Variants in BEND2 observed in about 807,000 individuals in gnomAD.
BEND2 encodes BEN domain containing 2.
BEND2 carries 19 observed loss-of-function variants against 43.8 expected under a neutral mutation model. The observed-to-expected ratio is 0.43, with a 90% CI of 0.30 to 0.64. BEND2 has a LOEUF of 0.64. Among genes scored for constraint, BEND2 ranks in the 30% least tolerant of loss-of-function variants. The pLI, the probability that BEND2 is intolerant of heterozygous loss-of-function variation, is 0.11. For missense variants in BEND2, 544 were observed against 574.0 expected, an observed-to-expected ratio of 0.95 and a Z score of 0.53; for synonymous variants, 226 against 210.1, an observed-to-expected ratio of 1.08 and a Z score of -0.66.
In BEND2 at chrX:18,163,211, T is replaced by C. The variant is rs919276376; in HGVS notation, c.*1798A>G. 10 of 111,827 alleles carry C rather than the reference T, an allele frequency of 8.9e-5. No individual in the cohort carries two copies. The highest frequency in any genetic ancestry group is 1.5e-4 in the Non-Finnish European group (8 of 53,179). The allele number at this position is 111,827 out of a possible 1,213,427, so 9.2% of individuals were successfully genotyped here. ...GAGTTCCAGATAAGCCTGGGCAATA[T>C]AGCAAGATCTCCATCTCAAACAAAA... On this transcript the variant is annotated 3_prime_UTR_variant, in exon 14 of 14. Transcript: ENST00000380033.
At chrX:18,165,560 C>T (rs1281393499) in intron 13 of BEND2, among the ~76,000 whole-genome samples, 1 of 111,961 alleles carries the variant, frequency 8.9e-6, no homozygotes, top group East Asian at 2.8e-4. Context: ...CGTCACTCAT[C>T]AGCTCAAATA....
Position 18,164,875 on chromosome X carries a change from G to A in BEND2, c.*134C>T. The A allele has an allele frequency of 1.3e-5, 8 of 596,881 alleles. No individual in the cohort carries two copies. The highest frequency in any genetic ancestry group is 2.1e-5 in the Non-Finnish European group (8 of 387,327). 49.2% of individuals were successfully genotyped at this position (596,881 alleles called of 1,213,427 possible). A position where few individuals can be genotyped will look rare whatever the true frequency, so the allele number is the denominator to read the frequency against. ...TACCTCCTTTATGAGCAGAAAAAGAGGTTTGGCGATTACTACAGGTGTCAA... is the reference window on the plus strand; with the variant it reads ...TACCTCCTTTATGAGCAGAAAAAGAAGTTTGGCGATTACTACAGGTGTCAA... On this transcript the variant is annotated 3_prime_UTR_variant, in exon 14 of 14. Transcript: ENST00000380033.
intron 6 of BEND2, among the ~76,000 whole-genome samples, chrX:18,197,241 C>T (rs980430739): frequency 9.0e-6 from 1 of 111,290 alleles, no homozygotes; most frequent in African/African-American, 3.3e-5. Context: ...TTGAGACCAG[C>T]CTGGCCAACA....
chrX:18,187,448 A>G (rs1410257520), intron 8 of BEND2, among the ~76,000 whole-genome samples: 4 of 112,049 alleles, frequency 3.6e-5, no homozygotes, highest in Non-Finnish European at 7.5e-5. Context: ...GGATATAACA[A>G]TTGTAAATCT....
Position 18,195,515 on chromosome X carries a change from A to G in BEND2, c.1034-73T>C, listed in dbSNP as rs1924913466. 9 of 1,002,745 alleles carry G rather than the reference A, an allele frequency of 9.0e-6. No homozygotes were observed. In the East Asian group the frequency reaches 2.5e-4, roughly 28 times the overall value. 82.6% of individuals were successfully genotyped at this position (1,002,745 alleles called of 1,213,427 possible). A position where few individuals can be genotyped will look rare whatever the true frequency, so the allele number is the denominator to read the frequency against. ...AAAACTATCCTTCTGGAAAAAAGGT[A>G]AAGACATTTCTCGAACGAAAGAAAA... On this transcript the variant is annotated intron_variant, in intron 6 of 13. Transcript: ENST00000380033.
At chrX:18,187,540 T>C (rs1924617424) in intron 8 of BEND2, among the ~76,000 whole-genome samples, 1 of 112,011 alleles carries the variant, frequency 8.9e-6, no homozygotes, top group Non-Finnish European at 1.9e-5. Context: ...ACAATACTAA[T>C]AGCCAGAGAC....
chrX:18,193,362 A>AAG (rs1428217281), intron 7 of BEND2, among the ~76,000 whole-genome samples: 2 of 108,072 alleles, frequency 1.9e-5, no homozygotes, highest in Non-Finnish European at 3.9e-5. Context: ...AAGAAAAGAA[A>AAG]AAGAGTAAAA....
At chrX:18,216,770 C>T (rs768045302) in intron 1 of BEND2, 37 bp from the exon 2 acceptor site, 3 of 1,018,628 alleles carry the variant, frequency 2.9e-6, no homozygotes, top group East Asian at 6.3e-5. Context: ...GATTCAATAT[C>T]ACATTAAATA....
intron 6 of BEND2, among the ~76,000 whole-genome samples, chrX:18,199,683 T>C (rs1406024722): frequency 4.5e-5 from 5 of 110,757 alleles, no homozygotes; most frequent in South Asian, 7.8e-4. Flanking sequence ...ATTCAGGATA[T>C]TGATGGAAAA....
rs568442419 is a variant in BEND2, at chrX:18,213,954, A to G, written c.239-43T>C. ...AGAAGAAGAAAATAAAAGATACAAT[A>G]AGATACCTCCAAACTGAGCTGTAAA... On this transcript the variant is annotated intron_variant, in intron 2 of 13. Coordinates refer to ENST00000380033, the MANE Select transcript of BEND2 (RefSeq NM_153346.5). The G allele has an allele frequency of 5.4e-4, 61 of 113,459 alleles. No homozygotes were observed. The South Asian group carries it at 0.019, about 36-fold the overall frequency. 9.4% of individuals were successfully genotyped at this position (113,459 alleles called of 1,213,427 possible). A position where few individuals can be genotyped will look rare whatever the true frequency, so the allele number is the denominator to read the frequency against.
chrX:18,191,350 G>T (rs1032758541), intron 7 of BEND2, among the ~76,000 whole-genome samples: 2 of 111,975 alleles, frequency 1.8e-5, no homozygotes, highest in African/African-American at 6.5e-5. Flanking sequence ...CCGTCACGAA[G>T]GAAGAAAGAA....
chrX:18,220,001 G>A (rs1034689333), intron 1 of BEND2, among the ~76,000 whole-genome samples: 1 of 110,992 alleles, frequency 9.0e-6, no homozygotes, highest in African/African-American at 3.3e-5. Flanking sequence ...CTCATTCCTC[G>A]CCCCCCCATA....
At position 18,191,330 on chromosome X, in the gene BEND2, G is replaced by A. The variant is rs746341871; in HGVS notation, c.1181-222C>T. Among the ~76,000 whole-genome samples the A allele has an allele frequency of 3.6e-5, 4 of 111,859 alleles. No individual in the cohort carries two copies. The South Asian group carries it at 1.5e-3, about 42-fold the overall frequency. On this transcript the variant is annotated intron_variant, in intron 7 of 13. Coordinates refer to ENST00000380033, the MANE Select transcript of BEND2 (RefSeq NM_153346.5). ...AACTGAAAGGATATGATGAAGGAAGGAATCTTGCACCGTCACGAAGGAAGA... is the reference window on the plus strand; with the variant it reads ...AACTGAAAGGATATGATGAAGGAAGAAATCTTGCACCGTCACGAAGGAAGA...
intron 6 of BEND2, among the ~76,000 whole-genome samples, chrX:18,197,813 C>T (rs187515658): frequency 9.0e-6 from 1 of 111,437 alleles, no homozygotes; most frequent in Non-Finnish European, 1.9e-5. Flanking sequence ...CCAGAATTCC[C>T]GCATGTTGTG....
chrX:18,172,642 C>T (rs1287022516), intron 12 of BEND2, among the ~76,000 whole-genome samples: 5 of 109,917 alleles, frequency 4.5e-5, no homozygotes, highest in African/African-American at 9.9e-5. Context: ...TGCAGTGAGC[C>T]GAGATTGTGC....
intron 5 of BEND2, 113 bp from the exon 6 acceptor site, chrX:18,202,053 G>A (rs1482345303): frequency 6.4e-6 from 5 of 784,199 alleles, no homozygotes; most frequent in Non-Finnish European, 8.8e-6. Context: ...ACACACAAAG[G>A]AAAACAAAAA....
intron 13 of BEND2, among the ~76,000 whole-genome samples, chrX:18,169,155 A>AAAAAT (rs201767881): frequency 4.2e-4 from 47 of 110,682 alleles, no homozygotes; most frequent in African/African-American, 9.2e-4. Flanking sequence ...AAAAAAAAGA[A>AAAAAT]AAAATAAAAT....
rs753544771 is a variant in BEND2 at position 18,220,303 on chromosome X, G to A, written c.25+423C>T. 3.1e-3 allele frequency among the ~76,000 whole-genome samples: 345 copies of A among 112,324 alleles called. 2 individuals are homozygous for A. The highest frequency in any genetic ancestry group is 5.7e-3 in the Non-Finnish European group (304 of 53,162). On this transcript the variant is annotated intron_variant, in intron 1 of 13. Transcript: ENST00000380033. ...TAGATCTGTATCGCCGGAGCCCGGC[G>A]TCGCGAGCGCCGAGATTGTTTCCCA...
chrX:18,216,220 T>C (rs1925668573), intron 2 of BEND2, among the ~76,000 whole-genome samples: 1 of 111,276 alleles, frequency 9.0e-6, no homozygotes, highest in South Asian at 3.8e-4. Flanking sequence ...TTTAGCTTTT[T>C]ACTTTTGCAT....
Sources: gnomAD v4.1 joint callset for allele counts (sites outside exome capture counted in the v4.1 genomes callset) on GRCh38, gnomAD v4.1.1 for gene constraint, MANE v1.5 for transcripts, NCBI Gene and HGNC (gene_info 2026-07-23, HGNC 2026-07-21) for gene names.